BAHCC1: variants seen among roughly 807,000 people sequenced by gnomAD.
BAHCC1 encodes BAH and coiled-coil domain-containing protein 1.
BAHCC1 carries 43 observed loss-of-function variants against 88.2 expected under a neutral mutation model. The observed-to-expected ratio is 0.49, with a 90% CI of 0.38 to 0.63. The LOEUF (loss-of-function observed/expected upper bound fraction) is 0.63, where lower values mean the gene tolerates loss of function less well. Ranked by LOEUF, BAHCC1 falls within the 20% of genes least tolerant of loss-of-function variation. The pLI is 0.00. For synonymous variants in BAHCC1, 1,510 were observed against 745.5 expected (o/e 2.03, Z -16.71); for missense variants, 3,023 against 1,654.8 (o/e 1.83, Z -14.34).
chr17:81,445,720 T>G (rs1055327418), intron 10 of BAHCC1, 39 bp downstream of exon 10: 2 of 707,766 alleles, frequency 2.8e-6, no homozygotes, highest in Admixed American at 4.1e-5. Context: ...TGTGCTCCGC[T>G]CCAAGCCCTC....
At position 81,411,265 on chromosome 17, in the gene BAHCC1, C is replaced by T. The variant is rs560226970; in HGVS notation, c.178+11348C>T. On this transcript the variant is annotated intron_variant, in intron 2 of 27. Transcript: ENST00000675386. This position sits in a 1 kb window ranked among gnomAD's most constrained non-coding sequence, Gnocchi z 6.2. ...CCCCCAGTTGAGCAGCTCCCCTTCT[C>T]GGCAGCTCCCAAACCCTGACCCCAG... 50 of 477,964 alleles carry T rather than the reference C, an allele frequency of 1.0e-4. No homozygotes were observed. The highest frequency in any genetic ancestry group is 9.2e-4 in the East Asian group (15 of 16,370). The allele number at this position is 477,964 out of a possible 1,614,324, so 29.6% of individuals were successfully genotyped here.
chr17:81,451,701 AG>A lies in BAHCC1; in HGVS notation c.4011del (p.Gln1337HisfsTer61). 1.3e-6 allele frequency: 1 copy of A among 777,148 alleles called. No individual in the cohort carries two copies. The highest frequency in any genetic ancestry group is 2.4e-6 in the Non-Finnish European group (1 of 417,762). The allele number at this position is 777,148 out of a possible 1,614,324, so 48.1% of individuals were successfully genotyped here. A position where few individuals can be genotyped will look rare whatever the true frequency, so the allele number is the denominator to read the frequency against. On this transcript the variant is annotated frameshift_variant, in exon 12 of 28. Coordinates refer to ENST00000675386, the MANE Select transcript of BAHCC1 (RefSeq NM_001377448.1). LOFTEE classifies it high-confidence loss of function. ...GAGGACGTGCTAGCCTTCAACCTGC[AG>A]CACCTGGCCACGCTGGCCACAGCCT... Reference protein sequence around the residue: ...EEEDVLAFNLQHLATLATAWS... With the variant: ...EEEDVLAFNLXHLATLATAWS...
rs1022278387 is a variant in BAHCC1, at chr17:81,429,480, G to A, written c.358+2501G>A. Among the ~76,000 whole-genome samples, 44 of 152,340 alleles carry A rather than the reference G, an allele frequency of 2.9e-4. 1 individual carries two copies. Among genetic ancestry groups the A allele is most frequent in the Admixed American group, 2.7e-3 (42 of 15,312 alleles). Reference sequence around the variant, plus strand: ...CTGAGCGGCAGAGGCCAGGGCCGGCGGGCCAGGGTGAGAGGCTGGCTGGCT... The same window carrying A: ...CTGAGCGGCAGAGGCCAGGGCCGGCAGGCCAGGGTGAGAGGCTGGCTGGCT... On this transcript the variant is annotated intron_variant, in intron 3 of 27. Transcript: ENST00000675386.
At chr17:81,428,091 A>G (rs1392807533) in intron 3 of BAHCC1, among the ~76,000 whole-genome samples, 1 of 152,104 alleles carries the variant, frequency 6.6e-6, no homozygotes, top group African/African-American at 2.4e-5. Context: ...GGAGGCCGCT[A>G]CCTTGGGATG....
chr17:81,442,258 A>G lies in BAHCC1; in HGVS notation c.909A>G (p.Ala303=). 3.2e-6 allele frequency: 2 copies of G among 629,396 alleles called. No homozygotes were observed. The highest frequency in any genetic ancestry group is 5.6e-5 in the East Asian group (2 of 35,698). The allele number at this position is 629,396 out of a possible 1,614,324, so 39.0% of individuals were successfully genotyped here. A position where few individuals can be genotyped will look rare whatever the true frequency, so the allele number is the denominator to read the frequency against. ...GCAGGGCTGCGCTAGCCAGCTGTGC[A>G]GGGGGCATGCTGGGGCGGCCTGGCA... ...EMGRAALASC[A]GGMLGRPGTG... The change falls in exon 5 of 28, where the codon GCA becomes GCG. Residue 303 remains alanine (A), a synonymous_variant. Coordinates refer to ENST00000675386, the MANE Select transcript of BAHCC1 (RefSeq NM_001377448.1).
Position 81,418,537 on chromosome 17 carries a change from A to G in BAHCC1, c.179-8263A>G, listed in dbSNP as rs1035986134. Among the ~76,000 whole-genome samples the G allele has an allele frequency of 2.6e-5, 4 of 152,116 alleles. No individual in the cohort carries two copies. The East Asian group carries it at 7.7e-4, about 29-fold the overall frequency. On this transcript the variant is annotated intron_variant, in intron 2 of 27. Transcript: ENST00000675386. The stretch of plus-strand genomic sequence containing the variant: ...CCCCCTCTACCACCAGTGGGCCGGG[A>G]CATGCCCCGACCCAGGGCAGCTGTT...
intron 2 of BAHCC1, among the ~76,000 whole-genome samples, chr17:81,415,769 A>G (rs1663144220): frequency 6.6e-6 from 1 of 152,096 alleles, no homozygotes; most frequent in Admixed American, 6.5e-5. Context: ...CTGCTCCCTG[A>G]CCTACCCCCC....
Position 81,429,625 on chromosome 17 carries a change from C to T in BAHCC1, c.358+2646C>T, listed in dbSNP as rs1276851241. ...AGGGGAGTGAGGTGGGTGGGGGGCA[C>T]GCGACTCGGCCGGAGAGTGGGGGCC... On this transcript the variant is annotated intron_variant, in intron 3 of 27. Coordinates refer to ENST00000675386, the MANE Select transcript of BAHCC1 (RefSeq NM_001377448.1). Among the ~76,000 whole-genome samples, 4 of 152,226 alleles carry T rather than the reference C, an allele frequency of 2.6e-5. No individual in the cohort carries two copies. The South Asian group carries it at 6.2e-4, about 24-fold the overall frequency.
In BAHCC1 at chr17:81,399,499, A is replaced by G. The variant is rs2063785316; in HGVS notation, c.-206-35A>G. 7.3e-6 allele frequency: 2 copies of G among 274,698 alleles called. No homozygotes were observed. The highest frequency in any genetic ancestry group is 1.5e-4 in the East Asian group (1 of 6,452). The allele number at this position is 274,698 out of a possible 1,614,324, so 17.0% of individuals were successfully genotyped here. A position where few individuals can be genotyped will look rare whatever the true frequency, so the allele number is the denominator to read the frequency against. The stretch of plus-strand genomic sequence containing the variant: ...GACCCCCGGGCGAGCCGAGCCCCCC[A>G]GTCACCCGTGTCTCCTCTGCTTTTG... On this transcript the variant is annotated intron_variant, in intron 1 of 27. Coordinates refer to ENST00000675386, the MANE Select transcript of BAHCC1 (RefSeq NM_001377448.1). The surrounding 1 kb of genome is among the most constrained non-coding windows in gnomAD (Gnocchi z 4.5).
chr17:81,430,002 G>A lies in BAHCC1; in HGVS notation c.358+3023G>A, dbSNP rs1025913124. On this transcript the variant is annotated intron_variant, in intron 3 of 27. Transcript: ENST00000675386. Reference sequence around the variant, plus strand: ...CATCTGGCCTGGGCAGAGCCTGTCTGTTCAGCTCCTCCCGGCCCGCAGCTT... The same window carrying A: ...CATCTGGCCTGGGCAGAGCCTGTCTATTCAGCTCCTCCCGGCCCGCAGCTT... Among the ~76,000 whole-genome samples the A allele has an allele frequency of 2.7e-3, 404 of 152,324 alleles. 4 individuals carry two copies. The highest frequency in any genetic ancestry group is 9.5e-3 in the African/African-American group (395 of 41,568).
At chr17:81,421,287 G>T (rs534047128) in intron 2 of BAHCC1, among the ~76,000 whole-genome samples, 1 of 152,254 alleles carries the variant, frequency 6.6e-6, no homozygotes, top group Non-Finnish European at 1.5e-5. Context: ...GGCTACACTC[G>T]GCTCCCAGGC....
intron 4 of BAHCC1, among the ~76,000 whole-genome samples, chr17:81,439,774 G>A (rs576704480): frequency 1.9e-4 from 29 of 152,250 alleles, no homozygotes; most frequent in Admixed American, 1.0e-3. Context: ...ACACCCTGAA[G>A]GGAACAGAGG....
intron 2 of BAHCC1, among the ~76,000 whole-genome samples, chr17:81,421,726 T>C (rs2064117931): frequency 6.6e-6 from 1 of 152,092 alleles, no homozygotes; most frequent in African/African-American, 2.4e-5. Context: ...CCTGGTCCCG[T>C]CTCCGAGGTG....
At chr17:81,422,862 C>G (rs897749536) in intron 2 of BAHCC1, 4 of 356,922 alleles carry the variant, frequency 1.1e-5, no homozygotes, top group Admixed American at 3.6e-5. Flanking sequence ...CTGGGGGACT[C>G]GAGGCGGGCC....
chr17:81,443,543 C>G lies in BAHCC1; in HGVS notation c.2194C>G (p.Arg732Gly). 1 of 649,932 alleles carries G rather than the reference C, an allele frequency of 1.5e-6. No homozygotes were observed. Among genetic ancestry groups the G allele is most frequent in the Non-Finnish European group, 2.8e-6 (1 of 355,898 alleles). The allele number at this position is 649,932 out of a possible 1,614,324, so 40.3% of individuals were successfully genotyped here. A position where few individuals can be genotyped will look rare whatever the true frequency, so the allele number is the denominator to read the frequency against. ...CGGCACCAACACTGCGCGGCAGGGCCGGGCCGCCCCCGCCTTCAAAGGTAC... is the reference window on the plus strand; with the variant it reads ...CGGCACCAACACTGCGCGGCAGGGCGGGGCCGCCCCCGCCTTCAAAGGTAC... ...AYGTNTARQG[R>G]AAPAFKGGGG... The change falls in exon 5 of 28, where the codon CGG (arginine) becomes GGG (glycine). Residue 732 changes from arginine to glycine, a missense_variant. Arg to Gly is a moderately radical substitution (Grantham distance 125, BLOSUM62 -2). Coordinates refer to ENST00000675386, the MANE Select transcript of BAHCC1 (RefSeq NM_001377448.1).
In BAHCC1 at chr17:81,435,538, C is replaced by T. The variant is rs1442274794; in HGVS notation, c.359-2832C>T. 1 of 469,580 alleles carries T rather than the reference C, an allele frequency of 2.1e-6. No individual in the cohort carries two copies. The highest frequency in any genetic ancestry group is 2.0e-5 in the African/African-American group (1 of 50,154). 29.1% of individuals were successfully genotyped at this position (469,580 alleles called of 1,614,324 possible). A position where few individuals can be genotyped will look rare whatever the true frequency, so the allele number is the denominator to read the frequency against. The stretch of plus-strand genomic sequence containing the variant: ...CTGTTGGGGTGATCATAAAAGCTCC[C>T]GTCTCAAAGGGGTCTGGGAAGGGGA... On this transcript the variant is annotated intron_variant, in intron 3 of 27. Transcript: ENST00000675386. This position sits in a 1 kb window ranked among gnomAD's most constrained non-coding sequence, Gnocchi z 4.4.
chr17:81,442,136 A>G lies in BAHCC1; in HGVS notation c.787A>G (p.Arg263Gly), dbSNP rs782180883. 1 of 665,822 alleles carries G rather than the reference A, an allele frequency of 1.5e-6. No homozygotes were observed. Among genetic ancestry groups the G allele is most frequent in the South Asian group, 1.7e-5 (1 of 60,384 alleles). 41.2% of individuals were successfully genotyped at this position (665,822 alleles called of 1,614,324 possible). A position where few individuals can be genotyped will look rare whatever the true frequency, so the allele number is the denominator to read the frequency against. The change falls in exon 5 of 28, where the codon AGG becomes GGG. Residue 263 changes from arginine (R) to glycine (G), a missense_variant. Physicochemically the swap from Arg to Gly is moderately radical, Grantham distance 125. Coordinates refer to ENST00000675386, the MANE Select transcript of BAHCC1 (RefSeq NM_001377448.1). ...VLPVPADGHC[R>G]EGGPAPRGAC... ...GCCCGTGCCAGCCGACGGGCACTGC[A>G]GGGAGGGCGGCCCCGCACCCCGAGG...
At chr17:81,430,998 G>A (rs2064254182) in intron 3 of BAHCC1, among the ~76,000 whole-genome samples, 1 of 141,198 alleles carries the variant, frequency 7.1e-6, no homozygotes, top group Admixed American at 6.8e-5. Context: ...CGTGGGGGTG[G>A]AGGGGACAGC....
intron 2 of BAHCC1, among the ~76,000 whole-genome samples, chr17:81,409,164 G>A (rs540776764): frequency 6.6e-6 from 1 of 152,362 alleles, no homozygotes; most frequent in East Asian, 1.9e-4. Flanking sequence ...GCCACAGGCT[G>A]CGTGGGCACC....
Sources: allele counts gnomAD v4.1 joint callset (sites outside exome capture counted in the v4.1 genomes callset), GRCh38; gene constraint gnomAD v4.1.1; non-coding constraint Gnocchi (gnomAD v3.1); transcripts MANE v1.5; gene names NCBI Gene and HGNC (gene_info 2026-07-23, HGNC 2026-07-21).